Variants in VAMP7 observed in about 807,000 individuals in gnomAD.
VAMP7 encodes vesicle-associated membrane protein 7.
Under a neutral mutation model 29.6 loss-of-function variants are expected in VAMP7, and 14 were observed. The observed-to-expected ratio is 0.47, with a 90% CI of 0.31 to 0.74. VAMP7 has a LOEUF of 0.74. Among genes scored for constraint, VAMP7 ranks in the 30% least tolerant of loss-of-function variants. The probability of loss-of-function intolerance (pLI) is 0.05; values close to 1 mark genes in which losing one functional copy is unlikely to be tolerated. For synonymous variants in VAMP7, 95 were observed against 88.1 expected (o/e 1.08, Z -0.44); for missense variants, 223 against 262.4 (o/e 0.85, Z 1.04).
intron 6 of VAMP7, 29 bp from the exon 7 acceptor site, chrX:155,939,672 G>T (rs1251666166): frequency 3.3e-6 from 5 of 1,524,920 alleles, no homozygotes; most frequent in African/African-American, 1.4e-5. Flanking sequence ...TCAGTGCCAG[G>T]GGTTAAACAA....
chrX:155,919,974 A>G, intron 6 of VAMP7, 94 bp downstream of exon 6: 2 of 1,053,388 alleles, frequency 1.9e-6, no homozygotes, highest in Admixed American at 2.3e-5. Context: ...AAATTCAAAT[A>G]TTTGGTGGTT....
intron 1 of VAMP7, among the ~76,000 whole-genome samples, chrX:155,881,813 C>G (rs1486250219): frequency 6.6e-6 from 1 of 152,156 alleles, no homozygotes; most frequent in African/African-American, 2.4e-5. Flanking sequence ...ACGTCACTTT[C>G]TGCTTCACCT....
chrX:155,907,790 A>G (rs2066168439), intron 5 of VAMP7, among the ~76,000 whole-genome samples: 1 of 152,114 alleles, frequency 6.6e-6, no homozygotes. Context: ...GCTATTGGGT[A>G]CACCTCCCAG....
chrX:155,883,857 C>T (rs767547832), intron 1 of VAMP7, among the ~76,000 whole-genome samples: 2 of 151,714 alleles, frequency 1.3e-5, no homozygotes, highest in East Asian at 3.9e-4. Flanking sequence ...ATTACAGGTG[C>T]ACACCACCAC....
chrX:155,913,813 T>G (rs1420725392), intron 5 of VAMP7, among the ~76,000 whole-genome samples: 11 of 152,192 alleles, frequency 7.2e-5, no homozygotes, highest in Admixed American at 7.2e-4. Flanking sequence ...GCGTGATGTC[T>G]CCAGCTTTGT....
At chrX:155,940,690 G>A (rs1262599522) in intron 7 of VAMP7, among the ~76,000 whole-genome samples, 1 of 152,144 alleles carries the variant, frequency 6.6e-6, no homozygotes, top group Non-Finnish European at 1.5e-5. Context: ...CACCTAACGA[G>A]ATGTACTTCA....
intron 2 of VAMP7, among the ~76,000 whole-genome samples, chrX:155,892,291 G>A (rs1317435691): frequency 6.6e-6 from 1 of 152,032 alleles, no homozygotes; most frequent in East Asian, 1.9e-4. Flanking sequence ...GGTCCCAAGC[G>A]AAATACTTTC....
Position 155,928,996 on chromosome X carries a change from A to G in VAMP7, c.501+9116A>G, listed in dbSNP as rs139950209. Among the ~76,000 whole-genome samples, 14 of 152,262 alleles carry G rather than the reference A, an allele frequency of 9.2e-5. No individual in the cohort carries two copies. In the East Asian group the frequency reaches 2.5e-3, roughly 27 times the overall value. ...TATCCTCACACATTTTCTTCATATG[A>G]GTTTGTGGATGATAATCCCTTCAAG... On this transcript the variant is annotated intron_variant, in intron 6 of 7. Coordinates refer to ENST00000286448, the MANE Select transcript of VAMP7 (RefSeq NM_005638.6).
At chrX:155,912,624 T>C (rs983333923) in intron 5 of VAMP7, among the ~76,000 whole-genome samples, 3 of 152,072 alleles carry the variant, frequency 2.0e-5, no homozygotes, top group Non-Finnish European at 2.9e-5. Context: ...GGTTTTCTGT[T>C]CCTTTCTTAC....
At chrX:155,919,716 G>A in intron 5 of VAMP7, 97 bp from the exon 6 acceptor site, 1 of 1,076,462 alleles carries the variant, frequency 9.3e-7, no homozygotes, top group Non-Finnish European at 1.4e-6. Context: ...TTGGCCCCAG[G>A]ACAGTGTATT....
intron 4 of VAMP7, among the ~76,000 whole-genome samples, chrX:155,899,566 A>G (rs1479026230): frequency 1.3e-5 from 2 of 151,970 alleles, no homozygotes; most frequent in East Asian, 1.9e-4. Flanking sequence ...ACGCACACAC[A>G]TACTCTTCTG....
At chrX:155,931,391 A>G (rs1175238706) in intron 6 of VAMP7, among the ~76,000 whole-genome samples, 1 of 152,066 alleles carries the variant, frequency 6.6e-6, no homozygotes, top group African/African-American at 2.4e-5. Flanking sequence ...TGACTTTTTA[A>G]TGATCGCCAT....
At chrX:155,919,711 C>T (rs779337386) in intron 5 of VAMP7, 102 bp from the exon 6 acceptor site, 5 of 1,037,016 alleles carry the variant, frequency 4.8e-6, no homozygotes, top group South Asian at 4.2e-5. Context: ...GTCCTTTGGC[C>T]CCAGGACAGT....
intron 6 of VAMP7, among the ~76,000 whole-genome samples, chrX:155,922,177 C>A (rs1057370313): frequency 1.8e-4 from 27 of 151,858 alleles, no homozygotes; most frequent in African/African-American, 6.5e-4. Flanking sequence ...TAGAAAAATT[C>A]ATTTACCAGT....
intron 6 of VAMP7, among the ~76,000 whole-genome samples, chrX:155,938,809 C>T (rs977781538): frequency 6.6e-6 from 1 of 152,142 alleles, no homozygotes; most frequent in African/African-American, 2.4e-5. Flanking sequence ...GAGCAAGACC[C>T]TGTCTCAAGA....
chrX:155,887,999 A>G (rs2065885656), intron 1 of VAMP7, among the ~76,000 whole-genome samples: 1 of 151,922 alleles, frequency 6.6e-6, no homozygotes, highest in African/African-American at 2.4e-5. Flanking sequence ...AGGCTTTAGG[A>G]TCAAGGGAGA....
chrX:155,920,870 T>G (rs2066385563), intron 6 of VAMP7, among the ~76,000 whole-genome samples: 1 of 152,220 alleles, frequency 6.6e-6, no homozygotes, highest in African/African-American at 2.4e-5. Flanking sequence ...CAGGTTTTAG[T>G]ATATACAGTC....
Position 155,913,184 on chromosome X carries a change from G to A in VAMP7, c.434-6629G>A, listed in dbSNP as rs187115884. On this transcript the variant is annotated intron_variant, in intron 5 of 7. Coordinates refer to ENST00000286448, the MANE Select transcript of VAMP7 (RefSeq NM_005638.6). ...CCACATAAATGTCTTCTTTTGAGAAGTGTCTTTTCATATCCTTCACACACT... is the reference window on the plus strand; with the variant it reads ...CCACATAAATGTCTTCTTTTGAGAAATGTCTTTTCATATCCTTCACACACT... Among the ~76,000 whole-genome samples the A allele has an allele frequency of 6.0e-4, 92 of 152,238 alleles. 1 individual carries two copies. Among genetic ancestry groups the A allele is most frequent in the Admixed American group, 9.8e-4 (15 of 15,296 alleles).
chrX:155,885,535 G>A (rs762749503), intron 1 of VAMP7, among the ~76,000 whole-genome samples: 1 of 152,168 alleles, frequency 6.6e-6, no homozygotes, highest in African/African-American at 2.4e-5. Context: ...CTAACCCGTG[G>A]TACCTGTGAA....
Sources: allele counts gnomAD v4.1 joint callset (sites outside exome capture counted in the v4.1 genomes callset), GRCh38; gene constraint gnomAD v4.1.1; transcripts MANE v1.5; gene names NCBI Gene and HGNC (gene_info 2026-07-23, HGNC 2026-07-21).